NR2F1-AS1: variants seen among roughly 807,000 people sequenced by gnomAD.
The protein encoded by NR2F1-AS1 is NR2F1 regulatory antisense RNA 1.
At chr5:93,534,322 T>C (rs1751795648) in intron 4 of NR2F1-AS1, among the ~76,000 whole-genome samples, 1 of 152,194 alleles carries the variant, frequency 6.6e-6, no homozygotes, top group African/African-American at 2.4e-5. Context: ...AATAATAAAG[T>C]GAAGATGCCA....
chr5:93,572,214 C>T (rs538477336), intron 1 of NR2F1-AS1, among the ~76,000 whole-genome samples: 25 of 152,166 alleles, frequency 1.6e-4, no homozygotes, highest in Non-Finnish European at 3.1e-4. Flanking sequence ...CGTACACACA[C>T]TCACACGGGC....
upstream of NR2F1-AS1, chr5:93,581,107 T>TA (rs1335358598): frequency 6.6e-6 from 1 of 152,250 alleles, no homozygotes; most frequent in Non-Finnish European, 1.5e-5. Flanking sequence ...TGGTGAGACT[T>TA]AAAGTGAGAA....
chr5:93,547,471 C>A (rs1752115998), intron 4 of NR2F1-AS1, among the ~76,000 whole-genome samples: 1 of 152,016 alleles, frequency 6.6e-6, no homozygotes, highest in South Asian at 2.1e-4. Flanking sequence ...GAATCAAAAC[C>A]AAATATCATT....
chr5:93,448,040 G>C (rs1359686725), intron 4 of NR2F1-AS1, among the ~76,000 whole-genome samples: 1 of 152,058 alleles, frequency 6.6e-6, no homozygotes, highest in Non-Finnish European at 1.5e-5. Context: ...CACACACCAG[G>C]GCCTGTCGTG....
rs368448701 is a variant in NR2F1-AS1, at chr5:93,419,737, C to A, written n.639-24195G>T. Among the ~76,000 whole-genome samples, 156 of 152,222 alleles carry A rather than the reference C, an allele frequency of 1.0e-3. 6 individuals are homozygous for A. In the South Asian group the frequency reaches 0.023, roughly 22 times the overall value. ...GTGTTGAGGTTTCTAAAGGATTCTG[C>A]AAAATTGACACCCCTTTCCTCTCCT... On this transcript the variant is annotated intron_variant and non_coding_transcript_variant, in intron 4 of 5. Transcript: ENST00000660523.
chr5:93,534,762 A>C (rs1751805232), intron 4 of NR2F1-AS1, among the ~76,000 whole-genome samples: 1 of 152,296 alleles, frequency 6.6e-6, no homozygotes, highest in Admixed American at 6.5e-5. Flanking sequence ...CCGGTGTAAA[A>C]GCTATACCAA....
At chr5:93,469,615 T>C (rs1750323869) in intron 4 of NR2F1-AS1, among the ~76,000 whole-genome samples, 1 of 152,056 alleles carries the variant, frequency 6.6e-6, no homozygotes, top group African/African-American at 2.4e-5. Flanking sequence ...AGAAACCAGA[T>C]TATTTATCTT....
chr5:93,440,065 G>A (rs1171869922), intron 4 of NR2F1-AS1, among the ~76,000 whole-genome samples: 1 of 152,098 alleles, frequency 6.6e-6, no homozygotes, highest in Non-Finnish European at 1.5e-5. Context: ...TCTTTGGAAA[G>A]TAAAAAAGGG....
intron 4 of NR2F1-AS1, among the ~76,000 whole-genome samples, chr5:93,458,987 G>T (rs556268637): frequency 6.6e-5 from 10 of 152,126 alleles, no homozygotes; most frequent in African/African-American, 2.4e-4. Flanking sequence ...ACTCCAGCCT[G>T]AGCGACAGAG....
chr5:93,419,054 A>G (rs1749030381), intron 4 of NR2F1-AS1, among the ~76,000 whole-genome samples: 1 of 152,202 alleles, frequency 6.6e-6, no homozygotes, highest in African/African-American at 2.4e-5. Flanking sequence ...AAACAAAAAC[A>G]TTACCATGTT....
chr5:93,571,498 C>G (rs192777450), intron 1 of NR2F1-AS1, among the ~76,000 whole-genome samples: 79 of 150,816 alleles, frequency 5.2e-4, no homozygotes, highest in Non-Finnish European at 8.9e-4. Context: ...CACATGGAGA[C>G]TGACACACTT....
chr5:93,537,389 G>A (rs1751861315), intron 4 of NR2F1-AS1, among the ~76,000 whole-genome samples: 1 of 152,172 alleles, frequency 6.6e-6, no homozygotes, highest in Non-Finnish European at 1.5e-5. Flanking sequence ...TTCTCCTACA[G>A]AATAGGAGAA....
upstream of NR2F1-AS1, chr5:93,585,209 C>A (rs1753208653): frequency 6.5e-7 from 1 of 1,542,192 alleles, no homozygotes; most frequent in African/African-American, 1.4e-5. Flanking sequence ...GAGCGCCCGC[C>A]ACCCCCGGCA....
chr5:93,550,018 G>A (rs372406051), intron 4 of NR2F1-AS1, among the ~76,000 whole-genome samples: 1 of 151,864 alleles, frequency 6.6e-6, no homozygotes, highest in African/African-American at 2.4e-5. Flanking sequence ...TAATGTAAAT[G>A]ACTGGTTAAT....
rs372386935 is a variant in NR2F1-AS1 at position 93,555,335 on chromosome 5, A to T, written n.414-340T>A. Among the ~76,000 whole-genome samples, 11 of 152,328 alleles carry T rather than the reference A, an allele frequency of 7.2e-5. No homozygotes were observed. The East Asian group carries it at 1.7e-3, about 24-fold the overall frequency. On this transcript the variant is annotated intron_variant and non_coding_transcript_variant, in intron 2 of 5. Transcript: ENST00000660523. ...TAAAAGGAAGGAAAAACTGGCTTTA[A>T]AGAATGAGTTGCTGCTGGACAGAGA...
At chr5:93,450,914 CAAAAAAA>C (rs60895927) in intron 4 of NR2F1-AS1, among the ~76,000 whole-genome samples, 16 of 54,048 alleles carry the variant, frequency 3.0e-4, no homozygotes, top group East Asian at 1.7e-3. Context: ...GAATCTGCTT[CAAAAAAA>C]AAAAAAAAAA....
At chr5:93,581,726 CTCTCTCT>C (rs1753053020), upstream of NR2F1-AS1, among the ~76,000 whole-genome samples, 7 of 67,100 alleles carry the variant, frequency 1.0e-4, no homozygotes, top group Admixed American at 1.2e-4. Flanking sequence ...CTCTCTCTCT[CTCTCTCT>C]CCCCCTCTCC....
intron 4 of NR2F1-AS1, among the ~76,000 whole-genome samples, chr5:93,529,874 T>G (rs1395868883): frequency 6.6e-6 from 1 of 152,110 alleles, no homozygotes; most frequent in East Asian, 1.9e-4. Flanking sequence ...TTCCAAAGTT[T>G]TTTCACATTA....
At chr5:93,543,451 A>T (rs1024603354) in intron 4 of NR2F1-AS1, 10 of 152,212 alleles carry the variant, frequency 6.6e-5, no homozygotes, top group African/African-American at 2.4e-4. Context: ...AAATGAAAAC[A>T]CAATGACTGA....
Sources: gnomAD v4.1 joint callset for allele counts (sites outside exome capture counted in the v4.1 genomes callset) on GRCh38, gnomAD v4.1.1 for gene constraint, MANE v1.5 for transcripts, NCBI Gene and HGNC (gene_info 2026-07-23, HGNC 2026-07-21) for gene names.